PCDHGA6: variants seen among roughly 807,000 people sequenced by gnomAD.
The protein encoded by PCDHGA6 is protocadherin gamma subfamily A, 6, also known as protocadherin gamma-A6.
PCDHGA6 carries 41 observed loss-of-function variants against 60.6 expected under a neutral mutation model. The ratio of observed to expected loss-of-function variants is 0.68; its 90% CI spans 0.53 to 0.88. PCDHGA6 has a LOEUF of 0.88. Among genes scored for constraint, PCDHGA6 ranks in the 40% least tolerant of loss-of-function variants. The pLI is 0.00. For synonymous variants in PCDHGA6, 594 were observed against 524.4 expected (o/e 1.13, Z -1.81); for missense variants, 1,312 against 1,203.0 (o/e 1.09, Z -1.34).
intron 1 of PCDHGA6, chr5:141,475,927 G>A: frequency 1.6e-6 from 1 of 628,480 alleles, no homozygotes; most frequent in South Asian, 2.1e-5. Flanking sequence ...CTGGAGATCG[G>A]GCCCCTGCCC....
chr5:141,471,427 AGT>A (rs1475862025), intron 1 of PCDHGA6: 1 of 152,188 alleles, frequency 6.6e-6, no homozygotes, highest in Non-Finnish European at 1.5e-5. Flanking sequence ...TAGCAAGGAA[AGT>A]GTATAATCTC....
At chr5:141,392,746 G>T in intron 1 of PCDHGA6, 1 of 1,443,974 alleles carries the variant, frequency 6.9e-7, no homozygotes, top group South Asian at 1.5e-5. Flanking sequence ...CATAGCTGCG[G>T]CAAGAAACTA....
At chr5:141,449,542 T>C (rs1379019468) in intron 1 of PCDHGA6, among the ~76,000 whole-genome samples, 2 of 142,482 alleles carry the variant, frequency 1.4e-5, no homozygotes, top group African/African-American at 5.3e-5. Context: ...TGAGCCGAGA[T>C]CGCACCACTG....
chr5:141,433,029 T>C (rs2097561523), intron 1 of PCDHGA6: 2 of 1,613,998 alleles, frequency 1.2e-6, no homozygotes, highest in African/African-American at 2.7e-5. Flanking sequence ...TCCCACGAGG[T>C]TTCCCTCACC....
chr5:141,404,917 G>A (rs750464541), intron 1 of PCDHGA6: 37 of 1,613,652 alleles, frequency 2.3e-5, no homozygotes, highest in Middle Eastern at 3.3e-4. Flanking sequence ...CCCCTCTCTC[G>A]GCCACTGTCA....
Position 141,476,974 on chromosome 5 carries a change from C to G in PCDHGA6, c.2425-17833C>G. 1 of 1,614,268 alleles carries G rather than the reference C, an allele frequency of 6.2e-7. No homozygotes were observed. The highest frequency in any genetic ancestry group is 1.3e-5 in the African/African-American group (1 of 75,080). On this transcript the variant is annotated intron_variant, in intron 1 of 3. Coordinates refer to ENST00000517434, the MANE Select transcript of PCDHGA6 (RefSeq NM_018919.3). This position sits in a 1 kb window ranked among gnomAD's most constrained non-coding sequence, Gnocchi z 7.6. ...AAATTATTTACTCCTTCGGCAGCCA[C>G]AACCGCGCCGGCGTGCGGCAACTAT...
At position 141,404,735 on chromosome 5, in the gene PCDHGA6, G is replaced by A. The variant is rs2094561317; in HGVS notation, c.2424+28228G>A. The stretch of plus-strand genomic sequence containing the variant: ...CCTGGTGACCAAGGTGGTGGCAGTG[G>A]ACAGAGACTCAGGCCAGAATGCTTG... On this transcript the variant is annotated intron_variant, in intron 1 of 3. Transcript: ENST00000517434. 6.2e-7 allele frequency: 1 copy of A among 1,614,014 alleles called. No homozygotes were observed. The highest frequency in any genetic ancestry group is 8.5e-7 in the Non-Finnish European group (1 of 1,180,032).
intron 2 of PCDHGA6, among the ~76,000 whole-genome samples, chr5:141,501,258 T>G (rs2099806611): frequency 1.3e-5 from 2 of 150,950 alleles, no homozygotes; most frequent in South Asian, 4.2e-4. Flanking sequence ...GGGAGTATTT[T>G]ATTATAGTCC....
intron 1 of PCDHGA6, chr5:141,404,626 T>C (rs1443011566): frequency 1.2e-6 from 2 of 1,614,164 alleles, no homozygotes; most frequent in Admixed American, 3.3e-5. Flanking sequence ...AGAATGACAA[T>C]GCCCCAGAAA....
intron 1 of PCDHGA6, chr5:141,422,216 C>T (rs1241784107): frequency 6.4e-7 from 1 of 1,563,862 alleles, no homozygotes; most frequent in African/African-American, 1.4e-5. Flanking sequence ...GGTCTCTTTA[C>T]CACCACGACG....
At chr5:141,384,183 A>G (rs1779806989) in intron 1 of PCDHGA6, 11 of 1,613,812 alleles carry the variant, frequency 6.8e-6, no homozygotes, top group Non-Finnish European at 9.3e-6. Context: ...CAGATGGTGG[A>G]ACTCCTCCCT....
At chr5:141,415,729 T>A in intron 1 of PCDHGA6, 1 of 1,442,780 alleles carries the variant, frequency 6.9e-7, no homozygotes, top group Non-Finnish European at 9.1e-7. Flanking sequence ...TAGAATTTGA[T>A]GTTTATTAAG....
At position 141,489,910 on chromosome 5, in the gene PCDHGA6, G is replaced by T; in HGVS notation, c.2425-4897G>T. ...GGATGGGGGGACCCCAGCCCGCTCA[G>T]GGACCACCCTTATCTCTGTCATCGT... On this transcript the variant is annotated intron_variant, in intron 1 of 3. Transcript: ENST00000517434. This position sits in a 1 kb window ranked among gnomAD's most constrained non-coding sequence, Gnocchi z 4.5. 1 of 1,614,226 alleles carries T rather than the reference G, an allele frequency of 6.2e-7. No homozygotes were observed. The highest frequency in any genetic ancestry group is 8.5e-7 in the Non-Finnish European group (1 of 1,180,030).
At chr5:141,415,185 C>T (rs375113497) in intron 1 of PCDHGA6, 2 of 1,613,978 alleles carry the variant, frequency 1.2e-6, no homozygotes, top group Non-Finnish European at 8.5e-7. Flanking sequence ...CCGTGGCCGA[C>T]AGCATCCCCC....
chr5:141,449,708 AT>A (rs2098652573), intron 1 of PCDHGA6, among the ~76,000 whole-genome samples: 1 of 151,520 alleles, frequency 6.6e-6, no homozygotes. Context: ...CAAACACATT[AT>A]TTTTATATGA....
At chr5:141,478,500 T>G in intron 1 of PCDHGA6, 1 of 1,612,740 alleles carries the variant, frequency 6.2e-7, no homozygotes, top group Non-Finnish European at 8.5e-7. Flanking sequence ...TGTGATCCGG[T>G]GTTCTATAGG....
intron 1 of PCDHGA6, among the ~76,000 whole-genome samples, chr5:141,466,975 A>C (rs769024064): frequency 2.6e-5 from 4 of 151,842 alleles, no homozygotes; most frequent in Non-Finnish European, 5.9e-5. Context: ...CTCACAGCTC[A>C]TCATTTACCT....
chr5:141,403,254 G>A (rs2094383546), intron 1 of PCDHGA6: 3 of 1,613,830 alleles, frequency 1.9e-6, no homozygotes, highest in Non-Finnish European at 2.5e-6. Flanking sequence ...CAGAGCCCGC[G>A]GTGTCTGGTG....
intron 1 of PCDHGA6, chr5:141,409,784 T>G: frequency 3.1e-6 from 5 of 1,612,248 alleles, no homozygotes; most frequent in Non-Finnish European, 4.2e-6. Flanking sequence ...GCTGCGCGCC[T>G]TCGCGCTCAC....
Sources: gnomAD v4.1 joint callset for allele counts (sites outside exome capture counted in the v4.1 genomes callset) on GRCh38, gnomAD v4.1.1 for gene constraint, Gnocchi (gnomAD v3.1) non-coding constraint, MANE v1.5 for transcripts, NCBI Gene and HGNC (gene_info 2026-07-23, HGNC 2026-07-21) for gene names.